The following HOPX variants were observed in gnomAD, a reference collection of about 807,000 sequenced individuals.
The protein encoded by HOPX is homeodomain-only protein.
Under a neutral mutation model 11.8 loss-of-function variants are expected in HOPX, and 5 were observed. The observed-to-expected ratio is 0.43, with a 90% CI of 0.22 to 0.89. The LOEUF is 0.89. HOPX is among the 40% of genes least tolerant of loss of function. The pLI is 0.28. For synonymous variants in HOPX, 49 were observed against 49.7 expected (o/e 0.99, Z 0.06); for missense variants, 119 against 120.0 (o/e 0.99, Z 0.04).
At chr4:56,681,445 C>G (rs1578371307), upstream of HOPX, 1 of 988,576 alleles carries the variant, frequency 1.0e-6, no homozygotes, top group Non-Finnish European at 1.2e-6. Context: ...GAAAGTATGC[C>G]GAGGTTACGT....
At chr4:56,671,388 G>C (rs1300990910) in intron 1 of HOPX, among the ~76,000 whole-genome samples, 1 of 152,048 alleles carries the variant, frequency 6.6e-6, no homozygotes, top group Non-Finnish European at 1.5e-5. Flanking sequence ...GTCCAGAAAA[G>C]AGTCTTTGAC....
At chr4:56,648,877 C>T in intron 3 of HOPX, 80 bp from the exon 4 acceptor site, 1 of 1,092,340 alleles carries the variant, frequency 9.2e-7, no homozygotes. Flanking sequence ...AAGGTAGCCT[C>T]TGTGGCACAA....
intron 2 of HOPX, among the ~76,000 whole-genome samples, chr4:56,657,319 G>T (rs138219795): frequency 1.3e-5 from 2 of 152,140 alleles, no homozygotes; most frequent in African/African-American, 2.4e-5. Flanking sequence ...TGGGAATCAC[G>T]TTGGTTTGTT....
intron 1 of HOPX, among the ~76,000 whole-genome samples, chr4:56,678,438 A>ATTT (rs57921708): frequency 0.01 from 1,026 of 100,220 alleles, 40 homozygotes; most frequent in African/African-American, 0.035. Context: ...CTAGTCACTG[A>ATTT]TTTTTTTTTT....
chr4:56,657,055 C>A (rs140634261), intron 2 of HOPX, among the ~76,000 whole-genome samples: 140 of 152,292 alleles, frequency 9.2e-4, no homozygotes, highest in African/African-American at 2.5e-3. Context: ...TACTTTAGAG[C>A]CAACCATTAC....
At chr4:56,657,285 G>T (rs549482889) in intron 2 of HOPX, among the ~76,000 whole-genome samples, 1 of 152,310 alleles carries the variant, frequency 6.6e-6, no homozygotes, top group South Asian at 2.1e-4. Context: ...GACTGTCGCT[G>T]ACAGTAAAAG....
intron 1 of HOPX, chr4:56,663,962 A>C (rs1212897072): frequency 6.6e-6 from 1 of 152,190 alleles, no homozygotes; most frequent in East Asian, 1.9e-4. Context: ...AATAATGAGA[A>C]GTCTTCTGTA....
chr4:56,674,779 A>G (rs962375394), intron 1 of HOPX, among the ~76,000 whole-genome samples: 1 of 151,360 alleles, frequency 6.6e-6, no homozygotes, highest in African/African-American at 2.5e-5. Flanking sequence ...GGGTCTTGCT[A>G]TGTTGCCCAG....
intron 2 of HOPX, chr4:56,656,497 C>A: frequency 2.1e-6 from 2 of 975,192 alleles, no homozygotes; most frequent in Non-Finnish European, 2.4e-6. Flanking sequence ...GGCCTCCGGC[C>A]TCCCCGGTAG....
At chr4:56,656,443 T>C in intron 2 of HOPX, 1 of 987,268 alleles carries the variant, frequency 1.0e-6, no homozygotes, top group Non-Finnish European at 1.2e-6. Context: ...GGGGACAGAC[T>C]TGACAGATCG....
rs150986661 is a variant in HOPX, at chr4:56,675,593, A to G, written c.-84+5662T>C. On this transcript the variant is annotated intron_variant, in intron 1 of 3. Coordinates refer to ENST00000420433, the MANE Select transcript of HOPX (RefSeq NM_032495.6). ...GATTGTTCAGCATATTGTAAAAGAT[A>G]GATGTAGGCACTTTCCCAGCAAATA... is the stretch of plus-strand genomic sequence containing the variant. Among the ~76,000 whole-genome samples the G allele has an allele frequency of 3.8e-4, 57 of 151,804 alleles. 3 individuals carry two copies. Among genetic ancestry groups the G allele is most frequent in the African/African-American group, 1.4e-3 (56 of 41,048 alleles).
intron 3 of HOPX, among the ~76,000 whole-genome samples, 154 bp downstream of exon 3, chr4:56,655,703 T>C (rs1717625802): frequency 6.6e-6 from 1 of 150,932 alleles, no homozygotes; most frequent in Non-Finnish European, 1.5e-5. Context: ...GCGGGAGCCA[T>C]GCAGGGTCTG....
intron 1 of HOPX, among the ~76,000 whole-genome samples, chr4:56,672,479 C>T (rs1454054976): frequency 6.6e-6 from 1 of 151,178 alleles, no homozygotes; most frequent in East Asian, 1.9e-4. Context: ...GTGGAGGTTG[C>T]AGTGAGCCGA....
At chr4:56,668,064 G>A (rs1263075198) in intron 1 of HOPX, among the ~76,000 whole-genome samples, 1 of 152,038 alleles carries the variant, frequency 6.6e-6, no homozygotes, top group African/African-American at 2.4e-5. Flanking sequence ...AACTGGGACT[G>A]CAGGCGCCCA....
Position 56,674,722 on chromosome 4 carries a change from T to TA in HOPX, c.-84+6532dup, listed in dbSNP as rs1316052116. ...TTACAAGAAATTATGTGGAGATGGG[T>TA]AAAATTAACTTCTCTACTTTTTATT... On this transcript the variant is annotated intron_variant, in intron 1 of 3. Transcript: ENST00000420433. 2.0e-5 allele frequency among the ~76,000 whole-genome samples: 3 copies of TA among 151,048 alleles called. 1 individual carries two copies. The highest frequency in any genetic ancestry group is 7.4e-5 in the African/African-American group (3 of 40,458).
intron 1 of HOPX, among the ~76,000 whole-genome samples, chr4:56,661,522 C>T (rs967950489): frequency 3.4e-4 from 52 of 152,140 alleles, no homozygotes; most frequent in African/African-American, 1.1e-3. Flanking sequence ...TACAATATAA[C>T]GTCAACTTGT....
Position 56,651,871 on chromosome 4 carries a change from AGAGTGTGTGT to A in HOPX, c.199-3084_199-3075del, listed in dbSNP as rs1302445688. On this transcript the variant is annotated intron_variant, in intron 3 of 3. Coordinates refer to ENST00000420433, the MANE Select transcript of HOPX (RefSeq NM_032495.6). ...GGGAGAGAGAGAAAGAGAGAGAGAG[AGAGTGTGTGT>A]GTGTGTGTGTGTGTGTGTGTGTGTG... Among the ~76,000 whole-genome samples, 92 of 109,608 alleles carry A rather than the reference AGAGTGTGTGT, an allele frequency of 8.4e-4. 2 individuals are homozygous for A. In the South Asian group the frequency reaches 0.019, roughly 22 times the overall value. 71.9% of individuals were successfully genotyped at this position (109,608 alleles called of 152,430 possible).
chr4:56,675,804 C>T (rs1718984857), intron 1 of HOPX, among the ~76,000 whole-genome samples: 1 of 151,698 alleles, frequency 6.6e-6, no homozygotes, highest in Non-Finnish European at 1.5e-5. Flanking sequence ...AAACCTGTTC[C>T]CCTGTTCCCC....
At chr4:56,679,686 C>T (rs1333766356) in intron 1 of HOPX, 7 of 152,176 alleles carry the variant, frequency 4.6e-5, no homozygotes, top group Non-Finnish European at 1.0e-4. Context: ...CTATATTGGC[C>T]AGGCTGGTCT....
Sources: gnomAD v4.1 joint callset for allele counts (sites outside exome capture counted in the v4.1 genomes callset) on GRCh38, gnomAD v4.1.1 for gene constraint, MANE v1.5 for transcripts, NCBI Gene and HGNC (gene_info 2026-07-23, HGNC 2026-07-21) for gene names.